CPM: variants seen among roughly 807,000 people sequenced by gnomAD.
CPM encodes renal carboxypeptidase.
CPM carries 35 observed loss-of-function variants against 46.4 expected under a neutral mutation model. The ratio of observed to expected loss-of-function variants is 0.75; its 90% confidence interval spans 0.58 to 1.00. The LOEUF (loss-of-function observed/expected upper bound fraction) is 1.00. Among genes scored for constraint, CPM ranks in the 50% least tolerant of loss-of-function variants. The pLI is 0.00. For synonymous variants in CPM, 195 were observed against 195.3 expected, an observed-to-expected ratio of 1.00 and a Z score of 0.01; for missense variants, 422 against 530.4, an observed-to-expected ratio of 0.80 and a Z score of 2.01.
chr12:68,936,221 A>G (rs1321392426), upstream of CPM, among the ~76,000 whole-genome samples: 2 of 152,192 alleles, frequency 1.3e-5, no homozygotes, highest in African/African-American at 4.8e-5. Flanking sequence ...ACACATTTTA[A>G]TAAGATTTCC....
In CPM at chr12:68,851,879, AG is replaced by A. The variant is rs1053590682; in HGVS notation, c.*4557del. On this transcript the variant is annotated 3_prime_UTR_variant, in exon 9 of 9. Coordinates refer to ENST00000551568, the MANE Select transcript of CPM (RefSeq NM_198320.5). ...CCCCCTTCCCCCTTCTAAAGTCATG[AG>A]GAAAATATAAAGGATCTATCATAAA... 2 of 152,198 alleles carry A rather than the reference AG, an allele frequency of 1.3e-5. No individual in the cohort carries two copies. Among genetic ancestry groups the A allele is most frequent in the African/African-American group, 2.4e-5 (1 of 41,448 alleles). 9.4% of individuals were successfully genotyped at this position (152,198 alleles called of 1,614,324 possible).
At chr12:68,955,459 T>G (rs1888999312) in intron 1 of CPM, among the ~76,000 whole-genome samples, 1 of 151,872 alleles carries the variant, frequency 6.6e-6, no homozygotes, top group Non-Finnish European at 1.5e-5. Context: ...GCCGCAGCTC[T>G]TCTCTTCTTC....
chr12:68,887,899 T>C (rs1373554), intron 2 of CPM, among the ~76,000 whole-genome samples: 2,966 of 152,346 alleles, frequency 0.019, 40 homozygotes, highest in Middle Eastern at 0.037. Context: ...GTTTGCCATG[T>C]GGACAAGTAC....
intron 1 of CPM, 58 bp from the exon 2 acceptor site, chr12:68,932,898 C>T: frequency 6.6e-7 from 1 of 1,520,700 alleles, no homozygotes; most frequent in Non-Finnish European, 9.0e-7. Context: ...GCGGGGGCAT[C>T]ACCAGCTACG....
upstream of CPM, among the ~76,000 whole-genome samples, chr12:68,933,955 C>T (rs115652100): frequency 8.2e-3 from 1,253 of 152,300 alleles, 14 homozygotes; most frequent in African/African-American, 0.029. Context: ...CGTCCTAAAA[C>T]GTCCTAAAAT....
At chr12:68,861,178 G>T (rs764652590) in intron 7 of CPM, among the ~76,000 whole-genome samples, 1 of 152,088 alleles carries the variant, frequency 6.6e-6, no homozygotes, top group Non-Finnish European at 1.5e-5. Flanking sequence ...GAGCCACCAG[G>T]CCTGGCTTTC....
At chr12:68,865,507 T>C (rs1300215636) in intron 7 of CPM, among the ~76,000 whole-genome samples, 2 of 152,198 alleles carry the variant, frequency 1.3e-5, no homozygotes, top group East Asian at 1.9e-4. Flanking sequence ...TCCTTCTCCA[T>C]CTTCTTTGTA....
chr12:68,961,259 C>T (rs1050353449), intron 1 of CPM, among the ~76,000 whole-genome samples: 2 of 152,168 alleles, frequency 1.3e-5, no homozygotes, highest in Non-Finnish European at 2.9e-5. Context: ...GATCCTCCTG[C>T]CTTAGCCTCC....
intron 2 of CPM, among the ~76,000 whole-genome samples, chr12:68,896,795 T>C (rs191914433): frequency 3.0e-4 from 45 of 152,286 alleles, no homozygotes; most frequent in African/African-American, 9.9e-4. Flanking sequence ...TATTAAAGTT[T>C]TGATATTATA....
At chr12:68,873,795 T>A (rs1271776764) in intron 3 of CPM, among the ~76,000 whole-genome samples, 1 of 152,142 alleles carries the variant, frequency 6.6e-6, no homozygotes, top group African/African-American at 2.4e-5. Flanking sequence ...ACTCATTTTT[T>A]ATCTTCCTCT....
chr12:68,885,985 C>G (rs781019626), intron 2 of CPM, 96 bp from the exon 3 acceptor site: 376 of 946,878 alleles, frequency 4.0e-4, no homozygotes, highest in Non-Finnish European at 5.6e-4. Context: ...CTGCTTCCCC[C>G]ACTTGATCGC....
At chr12:68,918,355 C>T (rs1445093389) in intron 2 of CPM, among the ~76,000 whole-genome samples, 1 of 152,160 alleles carries the variant, frequency 6.6e-6, no homozygotes, top group African/African-American at 2.4e-5. Flanking sequence ...TCCCAACTTT[C>T]TTTCTGCAGC....
At chr12:68,906,489 G>T (rs991124573) in intron 2 of CPM, among the ~76,000 whole-genome samples, 4 of 147,734 alleles carry the variant, frequency 2.7e-5, no homozygotes, top group African/African-American at 1.0e-4. Flanking sequence ...GCTCACTGTA[G>T]ATTTTGTTTT....
At chr12:68,943,804 T>C (rs1888800693) in intron 1 of CPM, among the ~76,000 whole-genome samples, 1 of 152,150 alleles carries the variant, frequency 6.6e-6, no homozygotes, top group Non-Finnish European at 1.5e-5. Flanking sequence ...TAGGAAACAA[T>C]ATACTTACTG....
At chr12:68,923,168 T>C (rs985841284) in intron 2 of CPM, among the ~76,000 whole-genome samples, 1 of 103,664 alleles carries the variant, frequency 9.6e-6, no homozygotes, top group Admixed American at 9.9e-5. Flanking sequence ...AGAGTGTGTG[T>C]GTGTGTGTGT....
At chr12:68,930,731 C>T (rs1565803688) in intron 2 of CPM, among the ~76,000 whole-genome samples, 2 of 152,208 alleles carry the variant, frequency 1.3e-5, no homozygotes, top group Non-Finnish European at 2.9e-5. Context: ...ATTAAGCCTG[C>T]TGACTTTCAC....
At chr12:68,875,385 C>G (rs1885903441) in intron 3 of CPM, among the ~76,000 whole-genome samples, 1 of 151,656 alleles carries the variant, frequency 6.6e-6, no homozygotes, top group Admixed American at 6.6e-5. Flanking sequence ...GAGAAATTTT[C>G]AAAGTGTTAA....
chr12:68,845,416 A>G (rs1044472281), intron 5 of CPM: 8 of 208,698 alleles, frequency 3.8e-5, no homozygotes, highest in Non-Finnish European at 4.9e-5. Flanking sequence ...AGGCAAAATA[A>G]AACCGTAAAG....
At chr12:68,845,443 G>A (rs79245792) in intron 5 of CPM, 5,146 of 208,096 alleles carry the variant, frequency 0.025, 278 homozygotes, top group African/African-American at 0.11. Flanking sequence ...GATGGGAGGC[G>A]TGTTCAGTAA....
Sources: allele counts gnomAD v4.1 joint callset (sites outside exome capture counted in the v4.1 genomes callset), GRCh38; gene constraint gnomAD v4.1.1; transcripts MANE v1.5; gene names NCBI Gene and HGNC (gene_info 2026-07-23, HGNC 2026-07-21).